Variants in PTPRD observed in about 807,000 individuals in gnomAD.
The protein encoded by PTPRD is receptor-type tyrosine-protein phosphatase delta.
PTPRD carries 34 observed loss-of-function variants against 214.5 expected under a neutral mutation model. That is an observed-to-expected ratio of 0.16 (90% confidence interval 0.12 to 0.21). The LOEUF (loss-of-function observed/expected upper bound fraction) is 0.21, where lower values mean the gene tolerates loss of function less well. Ranked by LOEUF, PTPRD falls within the 10% of genes least tolerant of loss-of-function variation. The pLI is 1.00. For synonymous variants in PTPRD, 1,128 were observed against 845.7 expected (o/e 1.33, Z -5.79); for missense variants, 2,545 against 2,398.7 (o/e 1.06, Z -1.27).
intron 2 of PTPRD, among the ~76,000 whole-genome samples, chr9:10,443,816 A>T (rs1220690081): frequency 6.6e-6 from 1 of 151,102 alleles, no homozygotes; most frequent in African/African-American, 2.4e-5. Flanking sequence ...CTAATAATTT[A>T]GGACTACACA....
In PTPRD at chr9:8,317,925, G is replaced by C; in HGVS notation, c.5688C>G (p.Ser1896=). The C allele has an allele frequency of 6.2e-7, 1 of 1,611,950 alleles. No individual in the cohort carries two copies. The highest frequency in any genetic ancestry group is 1.1e-5 in the South Asian group (1 of 91,034). ...MVQTEDQYQF[S]YRAALEYLGS... Reference sequence around the variant, plus strand: ...CCAGGTACTCTAGTGCGGCACGATAGGAAAACTGATATTGATCCTGCAGGA... The same window carrying C: ...CCAGGTACTCTAGTGCGGCACGATACGAAAACTGATATTGATCCTGCAGGA... Residue 1896 remains serine (S), a synonymous_variant, in exon 46 of 46, where the codon TCC becomes TCG. Transcript: ENST00000381196.
At chr9:8,905,009 G>C (rs116435722) in intron 11 of PTPRD, among the ~76,000 whole-genome samples, 120 of 152,296 alleles carry the variant, frequency 7.9e-4, no homozygotes, top group African/African-American at 2.7e-3. Context: ...TAAGGCCAGA[G>C]TTAGAAGAAA....
intron 9 of PTPRD, among the ~76,000 whole-genome samples, chr9:9,268,148 C>T (rs999096832): frequency 2.0e-5 from 3 of 150,982 alleles, no homozygotes; most frequent in South Asian, 4.2e-4. Flanking sequence ...AAAGCTGTTA[C>T]TAATAAATTC....
chr9:8,906,273 G>A (rs2098707089), intron 11 of PTPRD, among the ~76,000 whole-genome samples: 1 of 152,092 alleles, frequency 6.6e-6, no homozygotes, highest in African/African-American at 2.4e-5. Flanking sequence ...GCTAAGCACT[G>A]TTTTTTTAAG....
chr9:9,265,640 C>A lies in PTPRD; in HGVS notation c.-202-82277G>T, dbSNP rs182620435. 8.4e-3 allele frequency among the ~76,000 whole-genome samples: 1,275 copies of A among 151,448 alleles called. 11 individuals carry two copies. Among genetic ancestry groups the A allele is most frequent in the Non-Finnish European group, 0.013 (848 of 67,698 alleles). On this transcript the variant is annotated intron_variant, in intron 9 of 45. Coordinates refer to ENST00000381196, the MANE Select transcript of PTPRD (RefSeq NM_002839.4). The stretch of plus-strand genomic sequence containing the variant: ...TGAATGCAAGTAAAGTTGTTATCAA[C>A]TTGAAATAGATCGGTCTAATCCTAT...
At chr9:8,938,936 T>A (rs1244121764) in intron 11 of PTPRD, among the ~76,000 whole-genome samples, 1 of 152,186 alleles carries the variant, frequency 6.6e-6, no homozygotes, top group Non-Finnish European at 1.5e-5. Flanking sequence ...CTCAGTTCCA[T>A]TACGTAAAAG....
intron 5 of PTPRD, among the ~76,000 whole-genome samples, chr9:9,869,775 C>T (rs912151635): frequency 6.6e-5 from 10 of 151,286 alleles, no homozygotes; most frequent in South Asian, 2.1e-4. Context: ...AACAAGTAAA[C>T]TGCATTAAAA....
intron 5 of PTPRD, among the ~76,000 whole-genome samples, chr9:9,930,191 G>C (rs1249186394): frequency 6.6e-6 from 1 of 152,184 alleles, no homozygotes; most frequent in East Asian, 1.9e-4. Flanking sequence ...ACTGGAAACA[G>C]TTTAGGAGAC....
chr9:10,209,106 G>T (rs1490621493), intron 3 of PTPRD, among the ~76,000 whole-genome samples: 1 of 152,100 alleles, frequency 6.6e-6, no homozygotes, highest in East Asian at 1.9e-4. Context: ...ACTGGAAACT[G>T]TGTGACTACA....
chr9:9,276,600 C>T (rs1005518290), intron 9 of PTPRD, among the ~76,000 whole-genome samples: 8 of 151,456 alleles, frequency 5.3e-5, no homozygotes, highest in South Asian at 2.1e-4. Flanking sequence ...CATGAGAGCA[C>T]ATGCTGGCAA....
At chr9:10,151,731 C>A (rs1261092402) in intron 3 of PTPRD, among the ~76,000 whole-genome samples, 1 of 152,150 alleles carries the variant, frequency 6.6e-6, no homozygotes, top group Non-Finnish European at 1.5e-5. Flanking sequence ...ACAAAATTGT[C>A]TCTGCAGCTA....
chr9:10,612,365 G>C (rs974942599), intron 2 of PTPRD, 33 bp downstream of exon 2: 2 of 151,204 alleles, frequency 1.3e-5, no homozygotes, highest in Admixed American at 1.3e-4. Context: ...CTTCACTTTA[G>C]AGAAAAGAAA....
intron 5 of PTPRD, among the ~76,000 whole-genome samples, chr9:9,892,085 GTATT>G (rs776331191): frequency 4.6e-5 from 7 of 152,040 alleles, no homozygotes; most frequent in Non-Finnish European, 8.8e-5. Flanking sequence ...CATAAAATGA[GTATT>G]TATTGAATGC....
chr9:9,676,835 G>C (rs1437228779), intron 7 of PTPRD, among the ~76,000 whole-genome samples: 1 of 152,116 alleles, frequency 6.6e-6, no homozygotes, highest in Non-Finnish European at 1.5e-5. Context: ...GTGTGAGATG[G>C]TATCTCATTG....
At chr9:9,237,057 G>T (rs572503386) in intron 9 of PTPRD, among the ~76,000 whole-genome samples, 1 of 152,142 alleles carries the variant, frequency 6.6e-6, no homozygotes, top group Non-Finnish European at 1.5e-5. Flanking sequence ...AAGCTAAAAT[G>T]GAACTGTATA....
At chr9:8,724,503 T>C (rs1245449106) in intron 12 of PTPRD, among the ~76,000 whole-genome samples, 1 of 152,190 alleles carries the variant, frequency 6.6e-6, no homozygotes, top group Non-Finnish European at 1.5e-5. Context: ...TTTTCCACCA[T>C]GCTGCCTCAT....
chr9:9,820,131 C>T (rs969293383), intron 5 of PTPRD, among the ~76,000 whole-genome samples: 8 of 152,094 alleles, frequency 5.3e-5, no homozygotes, highest in African/African-American at 1.9e-4. Context: ...CCCTTGAAAC[C>T]ACACCTTGCT....
At chr9:10,242,879 C>A (rs2091375495) in intron 3 of PTPRD, among the ~76,000 whole-genome samples, 2 of 137,600 alleles carry the variant, frequency 1.5e-5, no homozygotes, top group South Asian at 2.4e-4. Flanking sequence ...ATTGTTCCAG[C>A]AGAAAATGAA....
chr9:9,165,330 G>A (rs891510540), intron 10 of PTPRD, among the ~76,000 whole-genome samples: 11 of 152,164 alleles, frequency 7.2e-5, no homozygotes, highest in African/African-American at 2.4e-4. Context: ...ATTTTGAGGA[G>A]AGAAGGAAGA....
Sources: gnomAD v4.1 joint callset for allele counts (sites outside exome capture counted in the v4.1 genomes callset) on GRCh38, gnomAD v4.1.1 for gene constraint, MANE v1.5 for transcripts, NCBI Gene and HGNC (gene_info 2026-07-23, HGNC 2026-07-21) for gene names.